MAPK13: variants seen among roughly 807,000 people sequenced by gnomAD.
MAPK13 encodes MAP kinase 13.
In MAPK13, 39 loss-of-function variants were observed where a neutral mutation model predicts 53.5. That is an observed-to-expected ratio of 0.73 (90% CI 0.56 to 0.95). The LOEUF (loss-of-function observed/expected upper bound fraction) is 0.95. Ranked by LOEUF, MAPK13 falls within the 40% of genes least tolerant of loss-of-function variation. The pLI is 0.00. For missense variants in MAPK13, 460 were observed against 471.8 expected (o/e 0.98, Z 0.23); for synonymous variants, 179 against 190.9 (o/e 0.94, Z 0.51).
At chr6:36,135,944 T>C (rs1404165342) in intron 4 of MAPK13, 75 bp from the exon 5 acceptor site, 2 of 1,603,466 alleles carry the variant, frequency 1.2e-6, no homozygotes, top group Non-Finnish European at 1.7e-6. Flanking sequence ...GAGCGCACTG[T>C]TACAGGTCGG....
rs1766491452 is a variant in MAPK13 at position 36,139,495 on chromosome 6, T to TA, written c.*123dup. 7.9e-6 allele frequency: 6 copies of TA among 763,208 alleles called. No individual in the cohort carries two copies. Among genetic ancestry groups the TA allele is most frequent in the Non-Finnish European group, 1.3e-5 (6 of 451,722 alleles). The allele number at this position is 763,208 out of a possible 1,614,324, so 47.3% of individuals were successfully genotyped here. ...CAGAGGACAGAAGGGTCCTTCTCCT[T>TA]ATGTGGGAAATGGGCCTAGTAGATG... On this transcript the variant is annotated 3_prime_UTR_variant, in exon 12 of 12. Coordinates refer to ENST00000211287, the MANE Select transcript of MAPK13 (RefSeq NM_002754.5).
chr6:36,135,621 G>C, intron 3 of MAPK13, 132 bp from the exon 4 acceptor site: 2 of 599,498 alleles, frequency 3.3e-6, no homozygotes, highest in Non-Finnish European at 6.0e-6. Context: ...GGCTGGCTGA[G>C]GTGGAGTTGA....
chr6:36,131,632 T>C (rs2127485606), intron 2 of MAPK13, among the ~76,000 whole-genome samples: 1 of 152,334 alleles, frequency 6.6e-6, no homozygotes, highest in Non-Finnish European at 1.5e-5. Flanking sequence ...GTACAGACTG[T>C]GTTATCCTAC....
chr6:36,131,591 A>G (rs1213458299), intron 2 of MAPK13, among the ~76,000 whole-genome samples, 191 bp downstream of exon 2: 2 of 152,188 alleles, frequency 1.3e-5, no homozygotes, highest in Non-Finnish European at 2.9e-5. Flanking sequence ...AAGAGGTCAA[A>G]GGGTATTTTT....
At chr6:36,137,794 C>A (rs978898413) in intron 8 of MAPK13, among the ~76,000 whole-genome samples, 8 of 151,454 alleles carry the variant, frequency 5.3e-5, no homozygotes, top group African/African-American at 1.9e-4. Flanking sequence ...AACCCCATCT[C>A]TACCAAAAAA....
rs754952851 is a variant in MAPK13 at position 36,138,872 on chromosome 6, C to T, written c.842-7C>T. 1 of 1,610,430 alleles carries T rather than the reference C, an allele frequency of 6.2e-7. No individual in the cohort carries two copies. The highest frequency in any genetic ancestry group is 1.1e-5 in the South Asian group (1 of 90,846). ...CTGGTGTGAGGCTCTTGGCTCTGCC[C>T]CTGCAGCTGCGGACCTGCTGGAGAA... On this transcript the variant is annotated splice_polypyrimidine_tract_variant and splice_region_variant and intron_variant, in intron 10 of 11. Coordinates refer to ENST00000211287, the MANE Select transcript of MAPK13 (RefSeq NM_002754.5).
At chr6:36,132,529 G>T in intron 2 of MAPK13, 92 bp from the exon 3 acceptor site, 2 of 1,123,822 alleles carry the variant, frequency 1.8e-6, no homozygotes, top group South Asian at 1.2e-5. Context: ...TATTAGGAAA[G>T]GGTGGATGGC....
chr6:36,138,887 C>T lies in MAPK13; in HGVS notation c.850C>T (p.Leu284=), dbSNP rs769913950. 7.5e-6 allele frequency: 12 copies of T among 1,610,400 alleles called. No homozygotes were observed. Among genetic ancestry groups the T allele is most frequent in the Non-Finnish European group, 8.5e-6 (10 of 1,178,320 alleles). The change falls in exon 11 of 12, where the codon CTG becomes TTG. Residue 284 remains leucine (L), a synonymous_variant. Transcript: ENST00000211287. ...FPRASPQAAD[L]LEKMLELDVD... ...TGGCTCTGCCCCTGCAGCTGCGGAC[C>T]TGCTGGAGAAGATGCTGGAGCTAGA...
Position 36,138,996 on chromosome 6 carries a change from C to A in MAPK13, c.959C>A (p.Ala320Asp). The A allele has an allele frequency of 6.2e-7, 1 of 1,613,684 alleles. No homozygotes were observed. The highest frequency in any genetic ancestry group is 1.1e-5 in the South Asian group (1 of 91,036). ...PFRDPEEETE[A>D]QQPFDDSLEH... ...CGGGACCCTGAGGAAGAGACGGAGG[C>A]CCAGCAGCCGTTTGATGATTCCTTA... Residue 320 changes from alanine to aspartate, a missense_variant, in exon 11 of 12, where the codon GCC (alanine) becomes GAC (aspartate). Transcript: ENST00000211287.
intron 2 of MAPK13, 43 bp downstream of exon 2, chr6:36,131,443 G>A: frequency 1.3e-6 from 2 of 1,580,460 alleles, no homozygotes; most frequent in East Asian, 2.3e-5. Context: ...GGCTGCCCTG[G>A]GGAGTCAGGG....
At position 36,135,999 on chromosome 6, in the gene MAPK13, CTT is replaced by C. The variant is rs1766409936; in HGVS notation, c.418-19_418-18del. The C allele has an allele frequency of 3.1e-6, 5 of 1,613,930 alleles. No homozygotes were observed. Among genetic ancestry groups the C allele is most frequent in the Non-Finnish European group, 4.2e-6 (5 of 1,179,972 alleles). The stretch of plus-strand genomic sequence containing the variant: ...GTGGAAGCTGGGCCATGGACTCACC[CTT>C]CTCTCTCTCCCACATAGTACATCCA... On this transcript the variant is annotated intron_variant, in intron 4 of 11. Coordinates refer to ENST00000211287, the MANE Select transcript of MAPK13 (RefSeq NM_002754.5).
intron 4 of MAPK13, 25 bp downstream of exon 4, chr6:36,135,886 A>G: frequency 3.1e-6 from 5 of 1,599,564 alleles, no homozygotes; most frequent in Non-Finnish European, 4.3e-6. Flanking sequence ...GGAGGCTGGC[A>G]GAGGGGACGC....
At chr6:36,131,924 ATCTCGGCAGCGAGGCTCCCGG>A (rs1186332481) in intron 2 of MAPK13, among the ~76,000 whole-genome samples, 1 of 152,178 alleles carries the variant, frequency 6.6e-6, no homozygotes, top group Non-Finnish European at 1.5e-5. Flanking sequence ...TGGGGTTTCA[ATCTCGGCAGCGAGGCTCCCGG>A]TCTGAGCACA....
chr6:36,131,253 C>G lies in MAPK13; in HGVS notation c.120-18C>G. On this transcript the variant is annotated intron_variant, in intron 1 of 11. Coordinates refer to ENST00000211287, the MANE Select transcript of MAPK13 (RefSeq NM_002754.5). ...CCAGGAGGAGAGCCTCGCCTGCTGA[C>G]CGGCCTGTGCCCGACAGCTCGGCCA... 3 of 1,607,274 alleles carry G rather than the reference C, an allele frequency of 1.9e-6. No homozygotes were observed. The highest frequency in any genetic ancestry group is 2.6e-6 in the Non-Finnish European group (3 of 1,175,816).
chr6:36,133,600 C>G (rs1482301581), intron 3 of MAPK13, among the ~76,000 whole-genome samples: 3 of 152,174 alleles, frequency 2.0e-5, no homozygotes, highest in Non-Finnish European at 4.4e-5. Context: ...AGATAACGAA[C>G]TCCATTTTGG....
chr6:36,137,043 A>G (rs1581884687), intron 8 of MAPK13, 93 bp downstream of exon 8: 1 of 1,037,380 alleles, frequency 9.6e-7, no homozygotes, highest in Non-Finnish European at 1.5e-6. Flanking sequence ...TCTTAATGTG[A>G]GAGTGATACA....
At chr6:36,137,957 T>TTAA (rs1766452223) in intron 8 of MAPK13, among the ~76,000 whole-genome samples, 2 of 13,316 alleles carry the variant, frequency 1.5e-4, no homozygotes, top group South Asian at 4.9e-3. Context: ...AGACCCTGTC[T>TTAA]CAAAAAAAAA....
Position 36,132,691 on chromosome 6 carries a change from T to A in MAPK13, c.308+12T>A, listed in dbSNP as rs371465825. The A allele has an allele frequency of 5.6e-5, 91 of 1,614,214 alleles. No individual in the cohort carries two copies. In the African/African-American group the frequency reaches 9.3e-4, roughly 17 times the overall value. ...AACTTCTATGACTTGTGAGTTGGGC[T>A]GCACTGGGTTCTGGGGCATTTGCAG... On this transcript the variant is annotated intron_variant, in intron 3 of 11. Transcript: ENST00000211287.
intron 8 of MAPK13, among the ~76,000 whole-genome samples, chr6:36,137,562 G>C (rs1423640507): frequency 6.6e-6 from 1 of 151,522 alleles, no homozygotes; most frequent in Non-Finnish European, 1.5e-5. Context: ...GCTGAGGTGG[G>C]AGGGTTGAGC....
Sources: allele counts gnomAD v4.1 joint callset (sites outside exome capture counted in the v4.1 genomes callset), GRCh38; gene constraint gnomAD v4.1.1; transcripts MANE v1.5; gene names NCBI Gene and HGNC (gene_info 2026-07-23, HGNC 2026-07-21).